Variants in DDB1 observed in about 807,000 individuals in gnomAD.
The protein encoded by DDB1 is damage specific DNA binding protein 1.
DDB1 carries 18 observed loss-of-function variants against 133.1 expected under a neutral mutation model. The observed-to-expected ratio is 0.14, with a 90% CI of 0.09 to 0.20. The LOEUF (loss-of-function observed/expected upper bound fraction) is 0.20, where lower values mean the gene tolerates loss of function less well. Ranked by LOEUF, DDB1 falls within the 10% of genes least tolerant of loss-of-function variation. The pLI is 1.00. For missense variants in DDB1, 828 were observed against 1,459.2 expected, an observed-to-expected ratio of 0.57 and a Z score of 7.05; for synonymous variants, 580 against 550.5, an observed-to-expected ratio of 1.05 and a Z score of -0.75.
rs1321230755 is a variant in DDB1 at position 61,310,316 on chromosome 11, T to C, written c.2380A>G (p.Ile794Val). 6.2e-7 allele frequency: 1 copy of C among 1,611,656 alleles called. No homozygotes were observed. Among genetic ancestry groups the C allele is most frequent in the East Asian group, 2.2e-5 (1 of 44,878 alleles). Residue 794 changes from isoleucine to valine, a missense_variant, in exon 19 of 27, where the codon ATT becomes GTT. Physicochemically the swap from Ile to Val is conservative, Grantham distance 29. This residue lies in a region of DDB1 where 396 missense variants were observed against 554.1 expected (regional missense o/e 0.71). Coordinates refer to ENST00000301764, the MANE Select transcript of DDB1 (RefSeq NM_001923.5). ...EEVEVHNLLI[I>V]DQHTFEVLHA... is the part of the protein sequence containing the mutation. ...GCACCTTCAAAGGTGTGTTGGTCAA[T>C]GATAAGTAGGTTGTGCACCTCCACC...
Position 61,313,893 on chromosome 11 carries a change from C to T in DDB1, c.1830G>A (p.Ala610=), listed in dbSNP as rs764985402. ...CAATGTTGAGCCCAAAGTAGAAAAG[C>T]GCTCCATCTCCCAAGGCACAAAGGA... is the stretch of plus-strand genomic sequence containing the variant. ...HYLLCALGDG[A]LFYFGLNIET... The change falls in exon 15 of 27, where the codon GCG becomes GCA. Residue 610 remains alanine, a synonymous_variant. Transcript: ENST00000301764. The T allele has an allele frequency of 5.6e-6, 9 of 1,614,082 alleles. No homozygotes were observed. Among genetic ancestry groups the T allele is most frequent in the Admixed American group, 1.7e-5 (1 of 60,012 alleles).
intron 4 of DDB1, 86 bp downstream of exon 4, chr11:61,329,277 T>C: frequency 2.5e-6 from 3 of 1,220,870 alleles, no homozygotes; most frequent in Non-Finnish European, 3.6e-6. Flanking sequence ...CTCTCTATCC[T>C]ACCAAACCCA....
chr11:61,311,923 T>C, intron 17 of DDB1, 28 bp from the exon 18 acceptor site: 1 of 1,613,948 alleles, frequency 6.2e-7, no homozygotes, highest in Non-Finnish European at 8.5e-7. Flanking sequence ...AACAACAGTG[T>C]CACTTAGAAA....
intron 13 of DDB1, 49 bp from the exon 14 acceptor site, chr11:61,314,259 G>A (rs1191858326): frequency 4.4e-6 from 7 of 1,593,658 alleles, no homozygotes; most frequent in Non-Finnish European, 5.1e-6. Flanking sequence ...GCTCAAAGAA[G>A]TCCTAGAGAA....
chr11:61,307,025 C>T (rs1855891715), intron 21 of DDB1, among the ~76,000 whole-genome samples: 1 of 152,192 alleles, frequency 6.6e-6, no homozygotes, highest in African/African-American at 2.4e-5. Context: ...AACAGAGACA[C>T]AGCCAAAAGG....
intron 18 of DDB1, chr11:61,311,356 TAACATAACATAA>T (rs1212852614): frequency 1.9e-4 from 29 of 153,908 alleles, no homozygotes; most frequent in Admixed American, 2.7e-4. Flanking sequence ...ACATAACACA[TAACATAACATAA>T]AACATAACAT....
chr11:61,330,299 T>C, intron 2 of DDB1: 1 of 397,396 alleles, frequency 2.5e-6, no homozygotes, highest in Middle Eastern at 6.6e-4. Context: ...ACTTTCATGA[T>C]TCTCCATCTC....
chr11:61,322,709 C>A, intron 8 of DDB1: 1 of 531,746 alleles, frequency 1.9e-6, no homozygotes, highest in Non-Finnish European at 3.3e-6. Flanking sequence ...AGAGAAGGTC[C>A]GAAGTTTTCA....
chr11:61,331,838 G>C lies in DDB1; in HGVS notation c.62-147C>G, dbSNP rs1856381143. The C allele has an allele frequency of 2.8e-6, 3 of 1,061,292 alleles. No individual in the cohort carries two copies. The South Asian group carries it at 4.7e-5, about 17-fold the overall frequency. 65.7% of individuals were successfully genotyped at this position (1,061,292 alleles called of 1,614,324 possible). ...ACTCCCTCCAGCTACTCCCCTTCTT[G>C]CCAAATCCGGCACCTCAAAGAGTCT... On this transcript the variant is annotated intron_variant, in intron 1 of 26. Coordinates refer to ENST00000301764, the MANE Select transcript of DDB1 (RefSeq NM_001923.5).
At position 61,330,007 on chromosome 11, in the gene DDB1, T is replaced by C. The variant is rs750677634; in HGVS notation, c.278A>G (p.Gln93Arg). 1 of 1,614,092 alleles carries C rather than the reference T, an allele frequency of 6.2e-7. No homozygotes were observed. Among genetic ancestry groups the C allele is most frequent in the South Asian group, 1.1e-5 (1 of 91,088 alleles). Residue 93 changes from glutamine (Q) to arginine (R), a missense_variant, in exon 3 of 27, where the codon CAG (glutamine) becomes CGG (arginine). Gln to Arg is a conservative substitution (Grantham distance 43, BLOSUM62 1). This residue lies in a region of DDB1 where 210 missense variants were observed against 344.8 expected (regional missense o/e 0.61). Transcript: ENST00000301764. ...KYNACILEYK[Q>R]SGESIDIITR... Reference sequence around the variant, plus strand: ...AATGATGTCAATGCTCTCGCCACTCTGTTTATACTCCAGGATGCAGGCATT... The same window carrying C: ...AATGATGTCAATGCTCTCGCCACTCCGTTTATACTCCAGGATGCAGGCATT...
At position 61,325,657 on chromosome 11, in the gene DDB1, T is replaced by C; in HGVS notation, c.716A>G (p.Tyr239Cys). The change falls in exon 6 of 27, where the codon TAT becomes TGT. Residue 239 changes from tyrosine (Y) to cysteine (C), a missense_variant. Around this residue, in one of 7 missense-constraint regions of DDB1, gnomAD observed 210 missense variants for 344.8 expected, o/e 0.61. Transcript: ENST00000301764. ...AIIIGQESIT[Y>C]HNGDKYLAIA... ...AGCCAGGTATTTGTCACCATTGTGA[T>C]AGGTGATTGACTCCTGTCCAATGAT... is the stretch of plus-strand genomic sequence containing the variant. The C allele has an allele frequency of 6.2e-7, 1 of 1,613,982 alleles. No individual in the cohort carries two copies. Among genetic ancestry groups the C allele is most frequent in the East Asian group, 2.2e-5 (1 of 44,886 alleles).
intron 10 of DDB1, among the ~76,000 whole-genome samples, chr11:61,317,769 T>C: frequency 6.6e-6 from 1 of 152,244 alleles, no homozygotes; most frequent in Non-Finnish European, 1.5e-5. Context: ...TCTCCCAAAG[T>C]ACTGGGATTA....
chr11:61,330,653 G>A (rs945439037), intron 2 of DDB1, among the ~76,000 whole-genome samples: 1 of 151,240 alleles, frequency 6.6e-6, no homozygotes, highest in Non-Finnish European at 1.5e-5. Context: ...GATGGTAATT[G>A]TTTTTTTTGT....
At chr11:61,308,861 CACCCGCT>C (rs1470723380) in intron 21 of DDB1, 115 bp downstream of exon 21, 1 of 947,066 alleles carries the variant, frequency 1.1e-6, no homozygotes, top group African/African-American at 1.6e-5. Context: ...CTATCCTCCA[CACCCGCT>C]ACTTTGTTCT....
At chr11:61,326,684 G>A (rs533100711) in intron 5 of DDB1, 95 bp downstream of exon 5, 9 of 940,666 alleles carry the variant, frequency 9.6e-6, no homozygotes, top group Admixed American at 3.4e-5. Context: ...AATACCGAGC[G>A]CCAAAACGAA....
rs1387455131 is a variant in DDB1 at position 61,300,063 on chromosome 11, T to C, written c.*73A>G. ...AGGCCTCCCATGGCCAAGAAGACGA[T>C]GGTGGAGAGGAGGGGGAGGGCAGCA... is the stretch of plus-strand genomic sequence containing the variant. On this transcript the variant is annotated 3_prime_UTR_variant, in exon 27 of 27. Coordinates refer to ENST00000301764, the MANE Select transcript of DDB1 (RefSeq NM_001923.5). 6.2e-5 allele frequency: 93 copies of C among 1,490,678 alleles called. No homozygotes were observed. Among genetic ancestry groups the C allele is most frequent in the Non-Finnish European group, 8.4e-5 (90 of 1,070,814 alleles). 92.3% of individuals were successfully genotyped at this position (1,490,678 alleles called of 1,614,324 possible).
Position 61,333,056 on chromosome 11 carries a change from G to A in DDB1, c.-88C>T, listed in dbSNP as rs955115352. On this transcript the variant is annotated 5_prime_UTR_variant, in exon 1 of 27. Coordinates refer to ENST00000301764, the MANE Select transcript of DDB1 (RefSeq NM_001923.5). ...AAAGACAGGTGGCCCCCAACAGCGC[G>A]CAGCGAACTCCACTGCCGCTGCCTC... is the stretch of plus-strand genomic sequence containing the variant. 5.6e-6 allele frequency: 7 copies of A among 1,260,842 alleles called. No homozygotes were observed. In the African/African-American group the frequency reaches 7.9e-5, roughly 14 times the overall value. The allele number at this position is 1,260,842 out of a possible 1,614,324, so 78.1% of individuals were successfully genotyped here. A position where few individuals can be genotyped will look rare whatever the true frequency, so the allele number is the denominator to read the frequency against.
chr11:61,309,066 T>A lies in DDB1; in HGVS notation c.2578A>T (p.Thr860Ser), dbSNP rs757118401. Residue 860 changes from threonine to serine, a missense_variant, in exon 21 of 27, where the codon ACT becomes TCT. By Grantham distance (58) the Thr-to-Ser change is moderately conservative. This residue lies in a region of DDB1 where 396 missense variants were observed against 554.1 expected (regional missense o/e 0.71). Transcript: ENST00000301764. ...CCTTTCACTTCCTTTTCAGCCACAG[T>A]CTGTAGTTTTCCTGGGGGTGGAAAA... ...VFQYSDGKLQ[T>S]VAEKEVKGAV... The A allele has an allele frequency of 3.2e-5, 52 of 1,614,016 alleles. No individual in the cohort carries two copies. The Middle Eastern group carries it at 4.9e-4, about 15-fold the overall frequency.
In DDB1 at chr11:61,325,921, C is replaced by T. The variant is rs553690349; in HGVS notation, c.665-213G>A. ...CTAATCCTGGTAGTATTTTTACTGC[C>T]ACTCTTCTGGTGTTCGACTATTCCT... On this transcript the variant is annotated intron_variant, in intron 5 of 26. Transcript: ENST00000301764. 308 of 630,324 alleles carry T rather than the reference C, an allele frequency of 4.9e-4. 1 individual carries two copies. Among genetic ancestry groups the T allele is most frequent in the Non-Finnish European group, 7.9e-4 (275 of 348,246 alleles). The allele number at this position is 630,324 out of a possible 1,614,324, so 39.0% of individuals were successfully genotyped here.
Sources: gnomAD v4.1 joint callset for allele counts (sites outside exome capture counted in the v4.1 genomes callset) on GRCh38, gnomAD v4.1.1 for gene constraint, gnomAD v4.1.1 regional missense constraint, MANE v1.5 for transcripts, NCBI Gene and HGNC (gene_info 2026-07-23, HGNC 2026-07-21) for gene names.